Variants in AKAP13 observed in about 807,000 individuals in gnomAD.
AKAP13 encodes the protein A-kinase anchoring protein 13, also known as A-kinase anchor protein 13.
In AKAP13, 80 loss-of-function variants were observed where a neutral mutation model predicts 264.5. The ratio of observed to expected loss-of-function variants is 0.30; its 90% CI spans 0.25 to 0.36. The LOEUF is 0.36. Ranked by LOEUF, AKAP13 falls within the 10% of genes least tolerant of loss-of-function variation. AKAP13 has a pLI of 1.00. For missense variants in AKAP13, 3,712 were observed against 3,435.2 expected (o/e 1.08, Z -2.01); for synonymous variants, 1,380 against 1,250.2 (o/e 1.10, Z -2.19).
chr15:85,469,922 C>T (rs2074897133), intron 1 of AKAP13, among the ~76,000 whole-genome samples: 1 of 152,124 alleles, frequency 6.6e-6, no homozygotes, highest in South Asian at 2.1e-4. Flanking sequence ...TACTTTTTCT[C>T]AACCTCTCGC....
intron 1 of AKAP13, among the ~76,000 whole-genome samples, chr15:85,477,636 GGAAAAA>G (rs377241647): frequency 0.066 from 2,280 of 34,300 alleles, 37 homozygotes; most frequent in Non-Finnish European, 0.12. Flanking sequence ...CTTAAAAAAA[GGAAAAA>G]AAAAAAAAAA....
chr15:85,614,931 A>G lies in AKAP13; in HGVS notation c.4162-24443A>G, dbSNP rs373553566. On this transcript the variant is annotated intron_variant, in intron 8 of 36. Transcript: ENST00000394518. ...TGGTTAATAAATCTTGCTCCAGAAG[A>G]CTTGTCCTCAAGATTAAACTATCCT... Among the ~76,000 whole-genome samples the G allele has an allele frequency of 1.2e-4, 19 of 152,296 alleles. No individual in the cohort carries two copies. In the South Asian group the frequency reaches 3.9e-3, roughly 32 times the overall value.
In AKAP13 at chr15:85,581,310, G is replaced by A; in HGVS notation, c.3242G>A (p.Cys1081Tyr). ...NTQSQGKTSACEVSGDVTVDV... is the reference protein window; with the variant it reads ...NTQSQGKTSAYEVSGDVTVDV... ...CAATCCCAGGGAAAAACTAGTGCCT[G>A]TGAGGTGAGTGGAGATGTGACGGTG... The change falls in exon 7 of 37, where the codon TGT becomes TAT. Residue 1081 changes from cysteine to tyrosine, a missense_variant. By Grantham distance (194) the Cys-to-Tyr change is radical. Transcript: ENST00000394518. 6.2e-7 allele frequency: 1 copy of A among 1,614,212 alleles called. No homozygotes were observed. Among genetic ancestry groups the A allele is most frequent in the African/African-American group, 1.3e-5 (1 of 75,064 alleles).
At chr15:85,591,628 T>C (rs2079582973) in intron 8 of AKAP13, among the ~76,000 whole-genome samples, 1 of 141,652 alleles carries the variant, frequency 7.1e-6, no homozygotes, top group Admixed American at 7.2e-5. Flanking sequence ...CATTGAATAC[T>C]TAAGTTCAGA....
In AKAP13 at chr15:85,655,795, G is replaced by C; in HGVS notation, c.4745+8G>C. 6.3e-7 allele frequency: 1 copy of C among 1,599,534 alleles called. No individual in the cohort carries two copies. Among genetic ancestry groups the C allele is most frequent in the African/African-American group, 1.3e-5 (1 of 74,672 alleles). ...AGAAATGAACCACCGGAGGTGAGAT[G>C]GGAGGCGGTTTGTTTAGTGTCTCAG... On this transcript the variant is annotated splice_region_variant and intron_variant, in intron 11 of 36. Transcript: ENST00000394518.
chr15:85,659,318 A>G (rs2083234285), intron 12 of AKAP13, among the ~76,000 whole-genome samples: 1 of 152,246 alleles, frequency 6.6e-6, no homozygotes, highest in African/African-American at 2.4e-5. Context: ...TCCAAAAATT[A>G]GGGTTATATT....
chr15:85,386,832 A>G (rs1045683233), intron 1 of AKAP13, among the ~76,000 whole-genome samples: 1 of 150,684 alleles, frequency 6.6e-6, no homozygotes, highest in Admixed American at 6.6e-5. Context: ...TATTCCATTG[A>G]TCTGTGTCTT....
intron 29 of AKAP13, among the ~76,000 whole-genome samples, chr15:85,729,521 G>A (rs540912388): frequency 6.6e-6 from 1 of 152,280 alleles, no homozygotes; most frequent in Non-Finnish European, 1.5e-5. Flanking sequence ...CCACGTGGGC[G>A]CCATGGTCTG....
intron 4 of AKAP13, chr15:85,536,294 A>G (rs1041276634): frequency 3.3e-5 from 5 of 152,264 alleles, no homozygotes; most frequent in Non-Finnish European, 2.9e-5. Flanking sequence ...ATGAGATATC[A>G]TTACACATTT....
At chr15:85,452,139 G>A (rs1452268018) in intron 1 of AKAP13, among the ~76,000 whole-genome samples, 2 of 149,418 alleles carry the variant, frequency 1.3e-5, no homozygotes, top group African/African-American at 4.9e-5. Flanking sequence ...CCTTAGCTTT[G>A]GTTTATTCTG....
At chr15:85,648,310 G>A (rs886365745) in intron 10 of AKAP13, among the ~76,000 whole-genome samples, 4 of 152,200 alleles carry the variant, frequency 2.6e-5, no homozygotes, top group Non-Finnish European at 5.9e-5. Context: ...AAGTGTCTTT[G>A]TTAAGAAATA....
chr15:85,673,258 A>G (rs924207905), intron 14 of AKAP13, among the ~76,000 whole-genome samples: 4 of 152,192 alleles, frequency 2.6e-5, no homozygotes, highest in African/African-American at 9.6e-5. Flanking sequence ...GAGGGTGACT[A>G]AAATATTTCT....
chr15:85,409,497 T>C (rs562032549), intron 1 of AKAP13, among the ~76,000 whole-genome samples: 6 of 151,564 alleles, frequency 4.0e-5, no homozygotes, highest in Non-Finnish European at 8.8e-5. Context: ...TTTTTTAAAT[T>C]GGTTGTAGGA....
intron 6 of AKAP13, among the ~76,000 whole-genome samples, chr15:85,575,538 A>G (rs1011302515): frequency 2.6e-5 from 4 of 152,162 alleles, no homozygotes; most frequent in Admixed American, 2.6e-4. Context: ...CTAAAAATAC[A>G]AAAAATTGGC....
chr15:85,725,256 C>G (rs897093810), intron 26 of AKAP13, among the ~76,000 whole-genome samples: 1 of 151,936 alleles, frequency 6.6e-6, no homozygotes, highest in African/African-American at 2.4e-5. Flanking sequence ...GAATTCATGC[C>G]AAGAACAGCC....
At chr15:85,464,169 G>T (rs1451955835) in intron 1 of AKAP13, among the ~76,000 whole-genome samples, 1 of 152,116 alleles carries the variant, frequency 6.6e-6, no homozygotes. Context: ...TATCTGACTG[G>T]CGACTTTCCT....
chr15:85,472,581 C>T (rs1267542015), intron 1 of AKAP13, among the ~76,000 whole-genome samples: 1 of 152,188 alleles, frequency 6.6e-6, no homozygotes, highest in Non-Finnish European at 1.5e-5. Context: ...AGGAGATGCT[C>T]AAGCAATCCT....
In AKAP13 at chr15:85,741,372, C is replaced by T. The variant is rs781589270; in HGVS notation, c.7935C>T (p.Gly2645=). ...KEREELQQKK[G]TYQYDLERLR... Reference sequence around the variant, plus strand: ...GGGAGGAGCTCCAGCAGAAGAAGGGCACATACCAGTATGACCTGGAGCGAC... The same window carrying T: ...GGGAGGAGCTCCAGCAGAAGAAGGGTACATACCAGTATGACCTGGAGCGAC... Residue 2645 remains glycine (G), a synonymous_variant, in exon 35 of 37, where the codon GGC becomes GGT. Coordinates refer to ENST00000394518, the MANE Select transcript of AKAP13 (RefSeq NM_007200.5). The T allele has an allele frequency of 1.2e-6, 2 of 1,614,102 alleles. No individual in the cohort carries two copies. The highest frequency in any genetic ancestry group is 1.3e-5 in the African/African-American group (1 of 75,056).
intron 8 of AKAP13, among the ~76,000 whole-genome samples, chr15:85,586,735 G>A (rs1381717804): frequency 6.6e-6 from 1 of 151,982 alleles, no homozygotes; most frequent in Non-Finnish European, 1.5e-5. Flanking sequence ...AGATCAGCCC[G>A]ACCAACATGG....
Sources: gnomAD v4.1 joint callset for allele counts (sites outside exome capture counted in the v4.1 genomes callset) on GRCh38, gnomAD v4.1.1 for gene constraint, MANE v1.5 for transcripts, NCBI Gene and HGNC (gene_info 2026-07-23, HGNC 2026-07-21) for gene names.